SOX5: variants seen among roughly 807,000 people sequenced by gnomAD.
SOX5 encodes transcription factor SOX-5.
A neutral mutation model predicts 92.0 loss-of-function variants in SOX5; 9 were observed. The observed-to-expected ratio is 0.10, with a 90% confidence interval of 0.06 to 0.17. SOX5 has a LOEUF of 0.17. SOX5 is among the 10% of genes least tolerant of loss of function. The probability of loss-of-function intolerance (pLI) is 1.00; values close to 1 mark genes in which losing one functional copy is unlikely to be tolerated. For missense variants in SOX5, 642 were observed against 944.5 expected (o/e 0.68, Z 4.20); for synonymous variants, 344 against 336.3 (o/e 1.02, Z -0.25).
intron 2 of SOX5, 132 bp from the exon 3 acceptor site, chr12:23,846,325 G>T: frequency 2.8e-6 from 2 of 714,892 alleles, no homozygotes; most frequent in Admixed American, 2.4e-5. Flanking sequence ...TAAAAAATTG[G>T]TTATATGGCT....
At chr12:24,121,640 G>A (rs1209512395) in intron 4 of SOX5, among the ~76,000 whole-genome samples, 1 of 143,528 alleles carries the variant, frequency 7.0e-6, no homozygotes, top group Non-Finnish European at 1.5e-5. Context: ...TGTAATCCCA[G>A]CACTTTGAGA....
At chr12:23,814,716 G>T (rs926159798) in intron 3 of SOX5, among the ~76,000 whole-genome samples, 1 of 152,262 alleles carries the variant, frequency 6.6e-6, no homozygotes, top group East Asian at 1.9e-4. Flanking sequence ...TCTATTAAAT[G>T]AGCAATTCAC....
chr12:24,319,654 C>T (rs541224983), intron 2 of SOX5, among the ~76,000 whole-genome samples: 2 of 152,300 alleles, frequency 1.3e-5, no homozygotes, highest in East Asian at 3.9e-4. Flanking sequence ...ACACATGGTT[C>T]TGAGTGCTCT....
chr12:23,961,798 C>A (rs1946973954), intron 4 of SOX5, among the ~76,000 whole-genome samples: 1 of 152,140 alleles, frequency 6.6e-6, no homozygotes, highest in Non-Finnish European at 1.5e-5. Flanking sequence ...ACTTCAGGAC[C>A]CTATTTGTGT....
intron 3 of SOX5, among the ~76,000 whole-genome samples, chr12:23,794,895 A>G (rs892047714): frequency 4.6e-5 from 7 of 151,530 alleles, no homozygotes; most frequent in Admixed American, 1.3e-4. Flanking sequence ...AAGCATCTCA[A>G]TGATTTTTAA....
At chr12:24,264,900 A>C (rs1169077305) in intron 3 of SOX5, among the ~76,000 whole-genome samples, 1 of 152,210 alleles carries the variant, frequency 6.6e-6, no homozygotes, top group Non-Finnish European at 1.5e-5. Context: ...AAAAATCTCA[A>C]ATCTGGAGTA....
chr12:24,557,824 G>A (rs2139045176), intron 1 of SOX5, among the ~76,000 whole-genome samples: 1 of 152,220 alleles, frequency 6.6e-6, no homozygotes, highest in South Asian at 2.1e-4. Context: ...ACTTATACTT[G>A]TAGAATTCAA....
intron 6 of SOX5, among the ~76,000 whole-genome samples, chr12:23,672,232 T>A (rs2084907047): frequency 6.6e-6 from 1 of 152,082 alleles, no homozygotes; most frequent in African/African-American, 2.4e-5. Context: ...TCCCCCTGTA[T>A]TCCTACCCCT....
chr12:24,444,270 A>ATGTATGTG (rs142754863), intron 1 of SOX5, among the ~76,000 whole-genome samples: 2 of 149,154 alleles, frequency 1.3e-5, no homozygotes, highest in Non-Finnish European at 3.0e-5. Flanking sequence ...AGGCCACTGA[A>ATGTATGTG]TGTGTGTGTG....
At chr12:23,959,629 G>A (rs1236353308) in intron 4 of SOX5, among the ~76,000 whole-genome samples, 1 of 151,928 alleles carries the variant, frequency 6.6e-6, no homozygotes, top group East Asian at 1.9e-4. Context: ...CAACAATGAC[G>A]ATATCTAAGG....
intron 2 of SOX5, among the ~76,000 whole-genome samples, chr12:23,885,480 AG>A (rs2097053812): frequency 6.6e-6 from 1 of 152,194 alleles, no homozygotes; most frequent in African/African-American, 2.4e-5. Context: ...AGAGCTAGGA[AG>A]AGACACTGAA....
intron 3 of SOX5, chr12:24,223,464 AAGTCCCAGGCCTGGCAC>A (rs1450469094): frequency 1.3e-5 from 2 of 152,208 alleles, no homozygotes; most frequent in African/African-American, 4.8e-5. Context: ...ATTCCAAAAG[AAGTCCCAGGCCTGGCAC>A]AGTGGCTCAC....
At chr12:24,044,638 G>A (rs1956828581) in intron 4 of SOX5, among the ~76,000 whole-genome samples, 1 of 152,088 alleles carries the variant, frequency 6.6e-6, no homozygotes, top group Admixed American at 6.5e-5. Flanking sequence ...AAAAATTCCT[G>A]GCTATCTCCA....
intron 3 of SOX5, among the ~76,000 whole-genome samples, chr12:24,262,502 G>C (rs1019427716): frequency 6.6e-6 from 1 of 152,194 alleles, no homozygotes; most frequent in South Asian, 2.1e-4. Context: ...GTCTCTAAAA[G>C]AAGTGGGATT....
chr12:24,357,182 T>A (rs1954940845), intron 2 of SOX5, among the ~76,000 whole-genome samples: 1 of 152,206 alleles, frequency 6.6e-6, no homozygotes, highest in African/African-American at 2.4e-5. Flanking sequence ...AAATAATGAC[T>A]TTCATTGGGT....
chr12:24,408,369 A>T (rs1211369549), intron 1 of SOX5, among the ~76,000 whole-genome samples: 2 of 152,188 alleles, frequency 1.3e-5, no homozygotes, highest in Admixed American at 1.3e-4. Context: ...ACAAAAAAAC[A>T]CAGAGAGATC....
intron 3 of SOX5, among the ~76,000 whole-genome samples, chr12:23,803,504 G>T (rs2095702458): frequency 6.6e-6 from 1 of 152,052 alleles, no homozygotes; most frequent in South Asian, 2.1e-4. Context: ...TTTAGCTCTT[G>T]ATTTTTCCCT....
chr12:24,348,012 T>C (rs1953534523), intron 2 of SOX5, among the ~76,000 whole-genome samples: 1 of 147,786 alleles, frequency 6.8e-6, no homozygotes, highest in Non-Finnish European at 1.5e-5. Flanking sequence ...GGGAATTTTT[T>C]TCAGGTTGCA....
intron 1 of SOX5, among the ~76,000 whole-genome samples, chr12:24,406,466 T>G (rs1459049077): frequency 1.3e-5 from 2 of 152,130 alleles, no homozygotes; most frequent in Admixed American, 6.5e-5. Flanking sequence ...CCTGAGCTAC[T>G]TTTCCCCTCT....
Sources: allele counts gnomAD v4.1 joint callset (sites outside exome capture counted in the v4.1 genomes callset), GRCh38; gene constraint gnomAD v4.1.1; transcripts MANE v1.5; gene names NCBI Gene and HGNC (gene_info 2026-07-23, HGNC 2026-07-21).